The following SGCD variants were observed in gnomAD, a reference collection of about 807,000 sequenced individuals.
SGCD encodes sarcoglycan delta, also known as delta-sarcoglycan.
A neutral mutation model predicts 36.6 loss-of-function variants in SGCD; 18 were observed. That is an observed-to-expected ratio of 0.49 (90% CI 0.34 to 0.73). The LOEUF is 0.73. Among genes scored for constraint, SGCD ranks in the 30% least tolerant of loss-of-function variants. SGCD has a pLI of 0.01. For synonymous variants in SGCD, 133 were observed against 130.6 expected, an observed-to-expected ratio of 1.02 and a Z score of -0.12; for missense variants, 387 against 346.7, an observed-to-expected ratio of 1.12 and a Z score of -0.92.
chr5:155,845,176 T>C, the SGCD span, among the ~76,000 whole-genome samples: 1 of 152,198 alleles, frequency 6.6e-6, no homozygotes, highest in African/African-American at 2.4e-5. Flanking sequence ...CATCATCTTA[T>C]TTTTAAAATG....
At chr5:156,013,586 T>A (rs955401184) in intron 1 of SGCD, among the ~76,000 whole-genome samples, 4 of 152,198 alleles carry the variant, frequency 2.6e-5, no homozygotes, top group Admixed American at 6.5e-5. Context: ...CTTTTTTCTT[T>A]GATTACTGTA....
At chr5:156,694,574 T>C (rs978660530) in intron 7 of SGCD, among the ~76,000 whole-genome samples, 11 of 152,162 alleles carry the variant, frequency 7.2e-5, no homozygotes, top group Admixed American at 2.0e-4. Context: ...TTAACAGAAG[T>C]TTTTATTCTT....
chr5:156,465,517 C>A (rs1232310073), intron 3 of SGCD, among the ~76,000 whole-genome samples: 1 of 152,156 alleles, frequency 6.6e-6, no homozygotes, highest in African/African-American at 2.4e-5. Flanking sequence ...TACAAACGCA[C>A]AGCACAGTTT....
chr5:156,591,649 GATTA>G (rs761173814), intron 5 of SGCD, among the ~76,000 whole-genome samples: 11 of 152,176 alleles, frequency 7.2e-5, no homozygotes, highest in Non-Finnish European at 4.4e-5. Flanking sequence ...CTGTTTAGGA[GATTA>G]ATTAAGGAGG....
chr5:156,745,777 A>G (rs2113114105), intron 7 of SGCD, among the ~76,000 whole-genome samples: 1 of 152,338 alleles, frequency 6.6e-6, no homozygotes, highest in East Asian at 1.9e-4. Context: ...ATGAAAATAC[A>G]ATCTCAAAAA....
chr5:156,592,097 A>G (rs1452476252), intron 5 of SGCD, among the ~76,000 whole-genome samples: 2 of 152,100 alleles, frequency 1.3e-5, no homozygotes, highest in East Asian at 3.9e-4. Context: ...ATGCTTCTGT[A>G]TGTCTCACAG....
At chr5:156,450,737 A>G (rs141979930) in intron 3 of SGCD, among the ~76,000 whole-genome samples, 44 of 152,212 alleles carry the variant, frequency 2.9e-4, no homozygotes, top group African/African-American at 9.6e-4. Flanking sequence ...TAGAATTTCA[A>G]TTGCTTTTTA....
intron 3 of SGCD, among the ~76,000 whole-genome samples, chr5:156,258,261 CA>C (rs964179031): frequency 3.3e-5 from 5 of 151,942 alleles, no homozygotes; most frequent in African/African-American, 1.2e-4. Context: ...GTGATATTAA[CA>C]AATGCAATAT....
chr5:155,824,399 T>C, the SGCD span, among the ~76,000 whole-genome samples: 3 of 152,160 alleles, frequency 2.0e-5, no homozygotes, highest in Non-Finnish European at 1.5e-5. Flanking sequence ...ATACTATTAT[T>C]ATTGTCATTA....
At chr5:156,497,926 A>G (rs903011350) in intron 3 of SGCD, among the ~76,000 whole-genome samples, 1 of 152,142 alleles carries the variant, frequency 6.6e-6, no homozygotes, top group African/African-American at 2.4e-5. Flanking sequence ...AAAGAAAGCC[A>G]GTAGCTGCCT....
intron 3 of SGCD, among the ~76,000 whole-genome samples, chr5:156,187,041 G>T (rs1197426927): frequency 6.6e-6 from 1 of 151,986 alleles, no homozygotes; most frequent in Non-Finnish European, 1.5e-5. Context: ...ACATAGAAGG[G>T]CATCGTCAGT....
chr5:156,127,650 G>A (rs1762207008), intron 3 of SGCD, among the ~76,000 whole-genome samples: 3 of 151,412 alleles, frequency 2.0e-5, no homozygotes, highest in African/African-American at 7.3e-5. Flanking sequence ...AAACAATAGA[G>A]AGTTCTGAAA....
At chr5:156,668,843 A>G (rs1753168105) in intron 7 of SGCD, among the ~76,000 whole-genome samples, 1 of 152,156 alleles carries the variant, frequency 6.6e-6, no homozygotes, top group Non-Finnish European at 1.5e-5. Flanking sequence ...GGAGGAGGGA[A>G]GCCAGTTAGA....
chr5:155,910,265 T>A lies in SGCD; in HGVS notation c.-282+39841T>A, dbSNP rs1205761784. 2.6e-5 allele frequency among the ~76,000 whole-genome samples: 4 copies of A among 152,072 alleles called. No homozygotes were observed. In the East Asian group the frequency reaches 7.7e-4, roughly 29 times the overall value. ...TCTACCTAATATGTCTTTTAAAAAA[T>A]TTTTCCTTTACTAAATAAGAAAGTT... On this transcript the variant is annotated intron_variant, in intron 1 of 9. Coordinates refer to the SGCD transcript ENST00000517913.
chr5:155,764,668 C>T, the SGCD span, among the ~76,000 whole-genome samples: 2 of 152,102 alleles, frequency 1.3e-5, no homozygotes, highest in African/African-American at 4.8e-5. Context: ...CAAGACCAAC[C>T]TCCGCATCTG....
chr5:156,442,067 A>C lies in SGCD; in HGVS notation c.193-66534A>C, dbSNP rs1036401472. On this transcript the variant is annotated intron_variant, in intron 3 of 8. Coordinates refer to ENST00000337851, the MANE Select transcript of SGCD (RefSeq NM_000337.6). ...CTCAAATAATGGTGTACTTGCTTAGATGGCAGTAACAATTTAACAGGGTCT... is the reference window on the plus strand; with the variant it reads ...CTCAAATAATGGTGTACTTGCTTAGCTGGCAGTAACAATTTAACAGGGTCT... Among the ~76,000 whole-genome samples the C allele has an allele frequency of 3.9e-5, 6 of 152,200 alleles. No homozygotes were observed. In the East Asian group the frequency reaches 1.2e-3, roughly 29 times the overall value.
intron 3 of SGCD, among the ~76,000 whole-genome samples, chr5:156,140,959 G>T (rs1035448740): frequency 9.9e-5 from 15 of 152,026 alleles, no homozygotes; most frequent in African/African-American, 3.1e-4. Flanking sequence ...GTTTTAAGAG[G>T]GGGGGCCCAG....
At chr5:155,941,672 C>A (rs1757330353) in intron 1 of SGCD, among the ~76,000 whole-genome samples, 1 of 151,390 alleles carries the variant, frequency 6.6e-6, no homozygotes, top group Non-Finnish European at 1.5e-5. Flanking sequence ...TTTCTGAATG[C>A]CTCTATGTTC....
At chr5:156,030,384 AG>A (rs1197456643) in intron 1 of SGCD, among the ~76,000 whole-genome samples, 1 of 152,150 alleles carries the variant, frequency 6.6e-6, no homozygotes, top group East Asian at 1.9e-4. Flanking sequence ...CCATAGTCAT[AG>A]GGGAAATGCC....
Sources: allele counts gnomAD v4.1 joint callset (sites outside exome capture counted in the v4.1 genomes callset), GRCh38; gene constraint gnomAD v4.1.1; transcripts MANE v1.5; gene names NCBI Gene and HGNC (gene_info 2026-07-23, HGNC 2026-07-21).